FOXK1: variants seen among roughly 807,000 people sequenced by gnomAD.
The protein encoded by FOXK1 is forkhead box K1, also known as forkhead box protein K1.
Under a neutral mutation model 51.9 loss-of-function variants are expected in FOXK1, and 19 were observed. The observed-to-expected ratio is 0.37, with a 90% CI of 0.26 to 0.54. The LOEUF (loss-of-function observed/expected upper bound fraction) is 0.54, where lower values mean the gene tolerates loss of function less well. Among genes scored for constraint, FOXK1 ranks in the 20% least tolerant of loss-of-function variants. FOXK1 has a pLI of 0.87. For synonymous variants in FOXK1, 537 were observed against 482.6 expected (o/e 1.11, Z -1.48); for missense variants, 870 against 1,032.7 (o/e 0.84, Z 2.16).
In FOXK1 at chr7:4,755,210, C is replaced by T. The variant is rs1780830951; in HGVS notation, c.904-27C>T. On this transcript the variant is annotated intron_variant, in intron 3 of 8. Transcript: ENST00000328914. This position sits in a 1 kb window ranked among gnomAD's most constrained non-coding sequence, Gnocchi z 6.6. ...TAGACTCAGGGACCTTGCTGGAGCT[C>T]ATCCCGTGAGCCGTGTTTCTCCGCA... is the stretch of plus-strand genomic sequence containing the variant. 8 of 1,611,134 alleles carry T rather than the reference C, an allele frequency of 5.0e-6. No homozygotes were observed. The highest frequency in any genetic ancestry group is 6.8e-6 in the Non-Finnish European group (8 of 1,178,356).
rs1262829509 is a variant in FOXK1 at position 4,749,948 on chromosome 7, T to C, written c.747-4511T>C. 6.6e-6 allele frequency among the ~76,000 whole-genome samples: 1 copy of C among 152,208 alleles called. No individual in the cohort carries two copies. Reference sequence around the variant, plus strand: ...GCAGTCTCCCTGCACTGGCATGTCCTGGGTGGTCCCAGTGGCACCTTCTAG... The same window carrying C: ...GCAGTCTCCCTGCACTGGCATGTCCCGGGTGGTCCCAGTGGCACCTTCTAG... On this transcript the variant is annotated intron_variant, in intron 2 of 8. Coordinates refer to ENST00000328914, the MANE Select transcript of FOXK1 (RefSeq NM_001037165.2). This position sits in a 1 kb window ranked among gnomAD's most constrained non-coding sequence, Gnocchi z 6.0.
At chr7:4,746,052 A>G (rs969739326) in intron 2 of FOXK1, among the ~76,000 whole-genome samples, 1 of 152,226 alleles carries the variant, frequency 6.6e-6, no homozygotes, top group Non-Finnish European at 1.5e-5. Context: ...GCACAGAGTG[A>G]CTGTTTTTGC....
chr7:4,705,964 A>ATATATATACGTATATATACG lies in FOXK1; in HGVS notation c.560+23138_560+23157dup, dbSNP rs1218184115. Among the ~76,000 whole-genome samples, 44 of 112,992 alleles carry ATATATATACGTATATATACG rather than the reference A, an allele frequency of 3.9e-4. 1 individual carries two copies. Among genetic ancestry groups the ATATATATACGTATATATACG allele is most frequent in the Middle Eastern group, 4.3e-3 (1 of 234 alleles). 74.1% of individuals were successfully genotyped at this position (112,992 alleles called of 152,430 possible). ...TTCAAAATTATATATATATATGTATATATATATACGTATATATACGTATAT... is the reference window on the plus strand; with the variant it reads ...TTCAAAATTATATATATATATGTATATATATATACGTATATATACGTATATATACGTATATATACGTATAT... On this transcript the variant is annotated intron_variant, in intron 1 of 8. Transcript: ENST00000328914.
rs1045150855 is a variant in FOXK1 at position 4,734,208 on chromosome 7, G to A, written c.561-6630G>A. Among the ~76,000 whole-genome samples the A allele has an allele frequency of 6.6e-6, 1 of 152,190 alleles. No individual in the cohort carries two copies. Among genetic ancestry groups the A allele is most frequent in the Non-Finnish European group, 1.5e-5 (1 of 68,030 alleles). ...CCTGAGAAGGAGCGGCTTGTGTGGG[G>A]TGACTCTATCTCAAGCCGTAGGCCT... On this transcript the variant is annotated intron_variant, in intron 1 of 8. Coordinates refer to ENST00000328914, the MANE Select transcript of FOXK1 (RefSeq NM_001037165.2). This position sits in a 1 kb window ranked among gnomAD's most constrained non-coding sequence, Gnocchi z 5.2.
rs1439999130 is a variant in FOXK1, at chr7:4,743,833, G to C, written c.746+2810G>C. Among the ~76,000 whole-genome samples the C allele has an allele frequency of 6.6e-6, 1 of 152,194 alleles. No homozygotes were observed. The highest frequency in any genetic ancestry group is 1.5e-5 in the Non-Finnish European group (1 of 68,044). On this transcript the variant is annotated intron_variant, in intron 2 of 8. Coordinates refer to ENST00000328914, the MANE Select transcript of FOXK1 (RefSeq NM_001037165.2). The surrounding 1 kb of genome is among the most constrained non-coding windows in gnomAD (Gnocchi z 5.3). ...TAGGCCAGCGCCCCCGCCTTAGCCT[G>C]GGAGTGGGTTATTAATCAGCAGGTT...
At position 4,731,368 on chromosome 7, in the gene FOXK1, T is replaced by A. The variant is rs1780474513; in HGVS notation, c.561-9470T>A. Among the ~76,000 whole-genome samples the A allele has an allele frequency of 6.6e-6, 1 of 152,210 alleles. No individual in the cohort carries two copies. The highest frequency in any genetic ancestry group is 6.5e-5 in the Admixed American group (1 of 15,284). On this transcript the variant is annotated intron_variant, in intron 1 of 8. Coordinates refer to ENST00000328914, the MANE Select transcript of FOXK1 (RefSeq NM_001037165.2). The surrounding 1 kb of genome is among the most constrained non-coding windows in gnomAD (Gnocchi z 5.3). ...TAAAGACACGTTGCAGCCTGCAAAA[T>A]TCGAAAAGTACCTGGAGTATGTAAC...
rs78092453 is a variant in FOXK1 at position 4,723,025 on chromosome 7, T to C, written c.561-17813T>C. On this transcript the variant is annotated intron_variant, in intron 1 of 8. Coordinates refer to ENST00000328914, the MANE Select transcript of FOXK1 (RefSeq NM_001037165.2). The surrounding 1 kb of genome is among the most constrained non-coding windows in gnomAD (Gnocchi z 4.7). The stretch of plus-strand genomic sequence containing the variant: ...ATCCAGACAAGAGGCAGCGCTGGGT[T>C]CAGATCACCACACAACCTGTATCAG... Among the ~76,000 whole-genome samples the C allele has an allele frequency of 7.1e-3, 1,077 of 152,048 alleles. 10 individuals carry two copies. The highest frequency in any genetic ancestry group is 0.025 in the African/African-American group (1,028 of 41,460).
rs1473600794 is a variant in FOXK1, at chr7:4,753,914, G to T, written c.747-545G>T. ...AGCGGCTCAGGGCAAAACTGCAGGG[G>T]TCATCTCTTCCCGAGGGCGGTGTCT... On this transcript the variant is annotated intron_variant, in intron 2 of 8. Transcript: ENST00000328914. The surrounding 1 kb of genome is among the most constrained non-coding windows in gnomAD (Gnocchi z 4.9). Among the ~76,000 whole-genome samples, 1 of 152,194 alleles carries T rather than the reference G, an allele frequency of 6.6e-6. No homozygotes were observed. The highest frequency in any genetic ancestry group is 1.5e-5 in the Non-Finnish European group (1 of 68,028).
intron 7 of FOXK1, chr7:4,760,027 C>T (rs1780910685): frequency 6.1e-6 from 1 of 164,162 alleles, no homozygotes. Flanking sequence ...AAAACCCTGT[C>T]TCAAAAAAAA....
In FOXK1 at chr7:4,754,489, C is replaced by T. The variant is rs767558881; in HGVS notation, c.777C>T (p.Arg259=). The T allele has an allele frequency of 2.5e-5, 41 of 1,613,100 alleles. No individual in the cohort carries two copies. In the East Asian group the frequency reaches 6.0e-4, roughly 24 times the overall value. ...CCAACTCCTGCCCAGCCAGTCCACGCGGTGCCGGCTCCTCCAGTTACCGCT... is the reference window on the plus strand; with the variant it reads ...CCAACTCCTGCCCAGCCAGTCCACGTGGTGCCGGCTCCTCCAGTTACCGCT... ...SVPNSCPASP[R]GAGSSSYRFV... Residue 259 remains arginine (R), a synonymous_variant, in exon 3 of 9, where the codon CGC becomes CGT. Coordinates refer to ENST00000328914, the MANE Select transcript of FOXK1 (RefSeq NM_001037165.2).
chr7:4,762,558 A>T lies in FOXK1; in HGVS notation c.*94A>T, dbSNP rs931707302. 4.1e-5 allele frequency: 55 copies of T among 1,331,172 alleles called. No individual in the cohort carries two copies. The highest frequency in any genetic ancestry group is 5.3e-5 in the Non-Finnish European group (52 of 990,410). 82.5% of individuals were successfully genotyped at this position (1,331,172 alleles called of 1,614,324 possible). ...GCGGCCGCACCCACAGACGGAGGAG[A>T]ACAGCCCGCGGCGGCCTGTGGGCAT... On this transcript the variant is annotated 3_prime_UTR_variant, in exon 9 of 9. Coordinates refer to ENST00000328914, the MANE Select transcript of FOXK1 (RefSeq NM_001037165.2). This position sits in a 1 kb window ranked among gnomAD's most constrained non-coding sequence, Gnocchi z 5.7.
rs190643855 is a variant in FOXK1 at position 4,756,564 on chromosome 7, T to C, written c.1051-430T>C. On this transcript the variant is annotated intron_variant, in intron 4 of 8. Coordinates refer to ENST00000328914, the MANE Select transcript of FOXK1 (RefSeq NM_001037165.2). This position sits in a 1 kb window ranked among gnomAD's most constrained non-coding sequence, Gnocchi z 4.1. Reference sequence around the variant, plus strand: ...ACTTTGGGAGGCCGAGGTGGAAGGATTGGTTAAGCCCAAGAGTGTGAGACC... The same window carrying C: ...ACTTTGGGAGGCCGAGGTGGAAGGACTGGTTAAGCCCAAGAGTGTGAGACC... Among the ~76,000 whole-genome samples, 17 of 151,780 alleles carry C rather than the reference T, an allele frequency of 1.1e-4. No individual in the cohort carries two copies. Among genetic ancestry groups the C allele is most frequent in the African/African-American group, 3.9e-4 (16 of 41,436 alleles).
At chr7:4,718,324 A>C (rs76766323) in intron 1 of FOXK1, among the ~76,000 whole-genome samples, 2,870 of 152,296 alleles carry the variant, frequency 0.019, 76 homozygotes, top group African/African-American at 0.066. Context: ...GTAACCCTGG[A>C]AACCAGTAAA....
rs914986024 is a variant in FOXK1 at position 4,747,736 on chromosome 7, C to G, written c.746+6713C>G. Reference sequence around the variant, plus strand: ...TTATTTTCGTTGAGATGGTGTCTTGCCCAGGCTGGTCCTGAACTCCTGGCC... The same window carrying G: ...TTATTTTCGTTGAGATGGTGTCTTGGCCAGGCTGGTCCTGAACTCCTGGCC... On this transcript the variant is annotated intron_variant, in intron 2 of 8. Coordinates refer to ENST00000328914, the MANE Select transcript of FOXK1 (RefSeq NM_001037165.2). The surrounding 1 kb of genome is among the most constrained non-coding windows in gnomAD (Gnocchi z 9.2). Among the ~76,000 whole-genome samples, 1 of 151,974 alleles carries G rather than the reference C, an allele frequency of 6.6e-6. No homozygotes were observed. Among genetic ancestry groups the G allele is most frequent in the African/African-American group, 2.4e-5 (1 of 41,342 alleles).
chr7:4,687,335 C>T (rs1009886129), intron 1 of FOXK1, among the ~76,000 whole-genome samples: 15 of 150,582 alleles, frequency 1.0e-4, no homozygotes, highest in African/African-American at 3.2e-4. Context: ...CTCTGTTGCC[C>T]GGGCTGGAGT....
chr7:4,697,849 G>A (rs1779973296), intron 1 of FOXK1, among the ~76,000 whole-genome samples: 1 of 150,844 alleles, frequency 6.6e-6, no homozygotes, highest in South Asian at 2.1e-4. Context: ...TTTTGAGATG[G>A]AGTCTCGCTC....
rs200047032 is a variant in FOXK1 at position 4,754,572 on chromosome 7, C to T, written c.860C>T (p.Ala287Val). 242 of 1,608,708 alleles carry T rather than the reference C, an allele frequency of 1.5e-4. No homozygotes were observed. Among genetic ancestry groups the T allele is most frequent in the Non-Finnish European group, 2.0e-4 (232 of 1,180,026 alleles). ...QLAAEFAAKA[A>V]SEQQADTSGG... ...GCAGCAGAGTTTGCAGCAAAGGCCG[C>T]GTCGGAGCAGCAGGCAGACACGTCT... The change falls in exon 3 of 9, where the codon GCG becomes GTG. Residue 287 changes from alanine (A) to valine (V), a missense_variant. Around this residue, in one of 3 missense-constraint regions of FOXK1, gnomAD observed 399 missense variants for 475.6 expected, o/e 0.84. Coordinates refer to ENST00000328914, the MANE Select transcript of FOXK1 (RefSeq NM_001037165.2).
intron 1 of FOXK1, among the ~76,000 whole-genome samples, chr7:4,695,460 G>GT (rs1562368918): frequency 6.6e-6 from 1 of 152,156 alleles, no homozygotes. Flanking sequence ...TTTTATATCT[G>GT]TGCTGTCCAA....
At chr7:4,689,082 A>G (rs929136615) in intron 1 of FOXK1, among the ~76,000 whole-genome samples, 1 of 151,620 alleles carries the variant, frequency 6.6e-6, no homozygotes, top group Non-Finnish European at 1.5e-5. Context: ...GGTTCAAGCA[A>G]TTCTCCTGCC....
Sources: allele counts gnomAD v4.1 joint callset (sites outside exome capture counted in the v4.1 genomes callset), GRCh38; gene constraint gnomAD v4.1.1; regional missense constraint gnomAD v4.1.1; non-coding constraint Gnocchi (gnomAD v3.1); transcripts MANE v1.5; gene names NCBI Gene and HGNC (gene_info 2026-07-23, HGNC 2026-07-21).